LGR5: variants seen among roughly 807,000 people sequenced by gnomAD.
LGR5 encodes leucine-rich repeat-containing G protein-coupled receptor 5.
Under a neutral mutation model 76.7 loss-of-function variants are expected in LGR5, and 54 were observed. That is an observed-to-expected ratio of 0.70 (90% CI 0.57 to 0.88). The LOEUF is 0.88. Ranked by LOEUF, LGR5 falls within the 40% of genes least tolerant of loss-of-function variation. The pLI is 0.00. For missense variants in LGR5, 1,078 were observed against 1,073.3 expected (o/e 1.00, Z -0.06); for synonymous variants, 406 against 421.9 (o/e 0.96, Z 0.46).
At chr12:71,558,406 T>G (rs1376847278) in intron 6 of LGR5, among the ~76,000 whole-genome samples, 1 of 152,204 alleles carries the variant, frequency 6.6e-6, no homozygotes, top group Non-Finnish European at 1.5e-5. Flanking sequence ...TTGTCTCCCC[T>G]TCCTCTACCT....
chr12:71,533,827 G>T (rs1488580273), intron 3 of LGR5, among the ~76,000 whole-genome samples: 2 of 152,156 alleles, frequency 1.3e-5, no homozygotes, highest in Non-Finnish European at 2.9e-5. Context: ...AATCTCTAGT[G>T]GCAGAGAAGA....
intron 4 of LGR5, among the ~76,000 whole-genome samples, chr12:71,545,345 G>A (rs534118605): frequency 1.8e-4 from 28 of 152,196 alleles, no homozygotes; most frequent in South Asian, 1.5e-3. Flanking sequence ...CTGCTCTGCT[G>A]GGGAGGCTGA....
At chr12:71,498,146 A>G (rs534293421) in intron 1 of LGR5, among the ~76,000 whole-genome samples, 22 of 152,330 alleles carry the variant, frequency 1.4e-4, no homozygotes, top group Non-Finnish European at 2.8e-4. Flanking sequence ...AGAATCTTTG[A>G]GGAATCCCTA....
chr12:71,577,983 TC>T lies in LGR5; in HGVS notation c.1270del (p.Leu424Ter). Reference sequence around the variant, plus strand: ...CCCCAATGCATTTTCCACTTTGCCATCCCTAATAAAGCTGTGAGTATTCCAC... The same window carrying T: ...CCCCAATGCATTTTCCACTTTGCCATCCTAATAAAGCTGTGAGTATTCCAC... The part of the protein sequence containing the change: ...IHPNAFSTLP[S>X]LIKLDLSSNL... On this transcript the variant is annotated frameshift_variant, in exon 14 of 18. Coordinates refer to ENST00000266674, the MANE Select transcript of LGR5 (RefSeq NM_003667.4). LOFTEE classifies it high-confidence loss of function. 1 of 1,612,306 alleles carries T rather than the reference TC, an allele frequency of 6.2e-7. No individual in the cohort carries two copies. Among genetic ancestry groups the T allele is most frequent in the Non-Finnish European group, 8.5e-7 (1 of 1,178,324 alleles).
intron 1 of LGR5, among the ~76,000 whole-genome samples, chr12:71,443,643 C>A (rs1871861173): frequency 6.6e-6 from 1 of 152,154 alleles, no homozygotes; most frequent in South Asian, 2.1e-4. Context: ...TATTTTAATG[C>A]ATCAAATGTG....
intron 1 of LGR5, among the ~76,000 whole-genome samples, chr12:71,482,395 T>C (rs952926904): frequency 2.6e-5 from 4 of 152,186 alleles, no homozygotes; most frequent in African/African-American, 9.7e-5. Context: ...GGCTTGTAGA[T>C]GGCTCTCTTC....
chr12:71,538,249 ATGCC>A (rs1344334449), intron 4 of LGR5, among the ~76,000 whole-genome samples: 1 of 152,190 alleles, frequency 6.6e-6, no homozygotes, highest in African/African-American at 2.4e-5. Context: ...ATGGTGGCTC[ATGCC>A]TGTAATCTCA....
intron 1 of LGR5, among the ~76,000 whole-genome samples, chr12:71,465,999 T>C (rs529627572): frequency 1.3e-5 from 2 of 152,288 alleles, no homozygotes; most frequent in Non-Finnish European, 2.9e-5. Context: ...TAGAACTCAA[T>C]AGAATGAGAT....
In LGR5 at chr12:71,479,125, T is replaced by G. The variant is rs1423869507; in HGVS notation, c.213-25489T>G. Among the ~76,000 whole-genome samples, 4 of 151,922 alleles carry G rather than the reference T, an allele frequency of 2.6e-5. No homozygotes were observed. In the East Asian group the frequency reaches 7.7e-4, roughly 29 times the overall value. On this transcript the variant is annotated intron_variant, in intron 1 of 17. Coordinates refer to ENST00000266674, the MANE Select transcript of LGR5 (RefSeq NM_003667.4). ...TTCAACGGGAAATTAACTAAAAAATTAATACGTTTTATTGGCTTCCTTTTA... is the reference window on the plus strand; with the variant it reads ...TTCAACGGGAAATTAACTAAAAAATGAATACGTTTTATTGGCTTCCTTTTA...
intron 1 of LGR5, among the ~76,000 whole-genome samples, chr12:71,444,818 T>C (rs1369046785): frequency 3.3e-5 from 5 of 152,182 alleles, no homozygotes; most frequent in African/African-American, 1.2e-4. Context: ...TCAAAATATA[T>C]ATCTATCAAA....
At chr12:71,564,963 A>G (rs1300253634) in intron 8 of LGR5, among the ~76,000 whole-genome samples, 2 of 150,932 alleles carry the variant, frequency 1.3e-5, no homozygotes, top group Non-Finnish European at 2.9e-5. Flanking sequence ...ATATATACGT[A>G]TGTGTGTATA....
intron 1 of LGR5, among the ~76,000 whole-genome samples, chr12:71,488,978 T>C (rs941823643): frequency 2.0e-5 from 3 of 152,168 alleles, no homozygotes; most frequent in African/African-American, 7.2e-5. Context: ...GAAAAATGAT[T>C]TTAAATAAAA....
At chr12:71,494,242 G>A (rs60388659) in intron 1 of LGR5, among the ~76,000 whole-genome samples, 3,638 of 150,700 alleles carry the variant, frequency 0.024, 354 homozygotes, top group African/African-American at 0.086. Flanking sequence ...CACTGCGCCC[G>A]GCCTTGATTT....
Position 71,583,782 on chromosome 12 carries a change from C to T in LGR5, c.1772C>T (p.Pro591Leu), listed in dbSNP as rs772795170. Residue 591 changes from proline to leucine, a missense_variant, in exon 18 of 18, where the codon CCC becomes CTC. Pro to Leu is a moderately conservative substitution (Grantham distance 98). Coordinates refer to ENST00000266674, the MANE Select transcript of LGR5 (RefSeq NM_003667.4). ...TVFRSPLYIS[P>L]IKLLIGVIAA... is the part of the protein sequence containing the mutation. ...TTCAGATCCCCTCTGTACATTTCCC[C>T]CATTAAACTGTTAATTGGGGTCATC... 2.2e-5 allele frequency: 35 copies of T among 1,613,980 alleles called. No homozygotes were observed. The Middle Eastern group carries it at 1.2e-3, about 53-fold the overall frequency.
At chr12:71,566,941 G>T (rs186786655) in intron 11 of LGR5, 29 bp downstream of exon 11, 59 of 1,514,406 alleles carry the variant, frequency 3.9e-5, no homozygotes, top group Admixed American at 6.7e-5. Context: ...ATAATGTTGT[G>T]TAAACAGGCA....
chr12:71,556,877 T>C (rs1877797620), intron 6 of LGR5, among the ~76,000 whole-genome samples, 187 bp downstream of exon 6: 1 of 152,218 alleles, frequency 6.6e-6, no homozygotes, highest in South Asian at 2.1e-4. Context: ...TGGGATTTTA[T>C]TTTAATCTAA....
At chr12:71,509,044 G>T (rs1303439067) in intron 2 of LGR5, among the ~76,000 whole-genome samples, 2 of 152,106 alleles carry the variant, frequency 1.3e-5, no homozygotes, top group African/African-American at 4.8e-5. Flanking sequence ...TAGAGAAGGG[G>T]AGTCTTTTTC....
chr12:71,556,606 T>C lies in LGR5; in HGVS notation c.645-13T>C, dbSNP rs2137419887. On this transcript the variant is annotated splice_polypyrimidine_tract_variant and intron_variant, in intron 5 of 17. Transcript: ENST00000266674. ...AGTGTGCCTTCCTAACTATCTGTAA[T>C]GTTCTACTGCAGACATCTCCATAAC... 1.3e-6 allele frequency: 2 copies of C among 1,573,380 alleles called. No individual in the cohort carries two copies. Among genetic ancestry groups the C allele is most frequent in the Admixed American group, 1.7e-5 (1 of 59,984 alleles).
chr12:71,526,589 A>G (rs1259763379), intron 3 of LGR5, among the ~76,000 whole-genome samples: 1 of 152,224 alleles, frequency 6.6e-6, no homozygotes, highest in Non-Finnish European at 1.5e-5. Flanking sequence ...ATAAAGATCA[A>G]TAAATATTGT....
Sources: allele counts gnomAD v4.1 joint callset (sites outside exome capture counted in the v4.1 genomes callset), GRCh38; gene constraint gnomAD v4.1.1; transcripts MANE v1.5; gene names NCBI Gene and HGNC (gene_info 2026-07-23, HGNC 2026-07-21).